UPP2: variants seen among roughly 807,000 people sequenced by gnomAD.
UPP2 encodes UPase 2.
A neutral mutation model predicts 26.7 loss-of-function variants in UPP2; 23 were observed. That is an observed-to-expected ratio of 0.86 (90% CI 0.62 to 1.22). The LOEUF (loss-of-function observed/expected upper bound fraction) is 1.22. UPP2 is among the 50% of genes most tolerant of loss of function. The pLI, the probability that UPP2 is intolerant of heterozygous loss-of-function variation, is 0.00. For synonymous variants in UPP2, 127 were observed against 141.3 expected, an observed-to-expected ratio of 0.90 and a Z score of 0.72; for missense variants, 387 against 396.7, an observed-to-expected ratio of 0.98 and a Z score of 0.21.
In UPP2 at chr2:158,115,221, T is replaced by C. The variant is rs755351863; in HGVS notation, c.301T>C (p.Tyr101His). Residue 101 changes from tyrosine to histidine, a missense_variant, in exon 3 of 7, where the codon TAC (tyrosine) becomes CAC (histidine). By Grantham distance (83) the Tyr-to-His change is moderately conservative (BLOSUM62 2). Transcript: ENST00000005756. ...AGACATCTGTGCTGGGACAGACAGA[T>C]ACTGTATGTACAAAACCGGGCCTGT... Reference protein sequence around the residue: ...IKDICAGTDRYCMYKTGPVLA... With the variant: ...IKDICAGTDRHCMYKTGPVLA... 13 of 1,612,936 alleles carry C rather than the reference T, an allele frequency of 8.1e-6. No individual in the cohort carries two copies. Among genetic ancestry groups the C allele is most frequent in the Middle Eastern group, 1.6e-4 (1 of 6,072 alleles).
intron 3 of UPP2, among the ~76,000 whole-genome samples, chr2:158,020,858 A>G (rs1558905749): frequency 6.6e-6 from 1 of 152,196 alleles, no homozygotes; most frequent in East Asian, 1.9e-4. Context: ...TCTTTTTCCA[A>G]TTTTTGATAG....
At chr2:158,130,558 A>G (rs1183501257) in intron 6 of UPP2, among the ~76,000 whole-genome samples, 1 of 152,208 alleles carries the variant, frequency 6.6e-6, no homozygotes, top group Admixed American at 6.5e-5. Context: ...TTAAACTTAA[A>G]TGAAATTATC....
rs1683684459 is a variant in UPP2, at chr2:158,017,836, T to C, written c.147+1950T>C. ...ATTCTTCGATTATATCAAACTCTTG[T>C]ACATTTTTCAATGAAGCACAAACAA... On this transcript the variant is annotated intron_variant, in intron 3 of 9. Coordinates refer to the UPP2 transcript ENST00000605860. Among the ~76,000 whole-genome samples the C allele has an allele frequency of 2.6e-5, 4 of 152,368 alleles. No individual in the cohort carries two copies. In the South Asian group the frequency reaches 8.3e-4, roughly 32 times the overall value.
chr2:158,093,332 A>T (rs1273741450), intron 3 of UPP2, among the ~76,000 whole-genome samples: 1 of 152,020 alleles, frequency 6.6e-6, no homozygotes, highest in Non-Finnish European at 1.5e-5. Context: ...AGAAGAAAGG[A>T]GTAAAAATAT....
chr2:158,102,176 G>A (rs1683090317), intron 1 of UPP2, 51 bp downstream of exon 1: 1 of 1,591,450 alleles, frequency 6.3e-7, no homozygotes, highest in South Asian at 1.1e-5. Context: ...GTTGCTCCTT[G>A]GATTTTGTAT....
chr2:158,108,904 G>GTGTC (rs2105216793), intron 2 of UPP2, among the ~76,000 whole-genome samples: 1 of 150,708 alleles, frequency 6.6e-6, no homozygotes, highest in Non-Finnish European at 1.5e-5. Context: ...GTGTGTGTGT[G>GTGTC]TGTGTGTGTG....
chr2:157,996,564 A>G (rs1481801725), intron 2 of UPP2, among the ~76,000 whole-genome samples: 1 of 152,128 alleles, frequency 6.6e-6, no homozygotes, highest in Non-Finnish European at 1.5e-5. Context: ...TTTGAAAGTT[A>G]TTTTTATGCT....
At chr2:158,046,639 C>T (rs1558913667) in intron 3 of UPP2, among the ~76,000 whole-genome samples, 1 of 152,210 alleles carries the variant, frequency 6.6e-6, no homozygotes, top group Non-Finnish European at 1.5e-5. Context: ...GGGAAAAATG[C>T]CTTGTCAAGA....
intron 3 of UPP2, among the ~76,000 whole-genome samples, chr2:158,018,556 G>A (rs1487258078): frequency 6.6e-6 from 1 of 152,206 alleles, no homozygotes; most frequent in Non-Finnish European, 1.5e-5. Context: ...CTGCAAGGCT[G>A]GAAGGCAGGT....
At chr2:158,065,941 C>A in intron 3 of UPP2, 1 of 501,226 alleles carries the variant, frequency 2.0e-6, no homozygotes, top group Non-Finnish European at 3.7e-6. Context: ...GTACAATTCG[C>A]AAGAAAAAAG....
chr2:158,020,134 T>TA (rs955647503), intron 3 of UPP2, among the ~76,000 whole-genome samples: 11 of 152,070 alleles, frequency 7.2e-5, no homozygotes, highest in African/African-American at 2.4e-4. Context: ...TTGTTTTTTT[T>TA]AAAAAAAGCC....
chr2:158,058,373 GCTCTCTCT>G (rs869246675), intron 3 of UPP2, among the ~76,000 whole-genome samples: 10 of 37,604 alleles, frequency 2.7e-4, no homozygotes, highest in African/African-American at 1.2e-3. Context: ...ATGCTTGTAT[GCTCTCTCT>G]CTCTCTCTCT....
intron 2 of UPP2, among the ~76,000 whole-genome samples, chr2:158,015,339 T>C: frequency 6.6e-6 from 1 of 152,244 alleles, no homozygotes; most frequent in East Asian, 1.9e-4. Context: ...ACAGTATTGA[T>C]CTTTTTTTGT....
chr2:158,062,159 G>C (rs534319982), intron 3 of UPP2, among the ~76,000 whole-genome samples: 1 of 152,218 alleles, frequency 6.6e-6, no homozygotes, highest in African/African-American at 2.4e-5. Flanking sequence ...GACTACTGCT[G>C]TCTAATAGAA....
At chr2:158,025,534 C>T (rs145332265) in intron 3 of UPP2, among the ~76,000 whole-genome samples, 33 of 152,214 alleles carry the variant, frequency 2.2e-4, no homozygotes, top group African/African-American at 8.0e-4. Context: ...GAAGCCCTGC[C>T]TCAAGCCTCC....
chr2:158,052,506 TAA>T (rs1682175767), intron 3 of UPP2, among the ~76,000 whole-genome samples: 1 of 152,206 alleles, frequency 6.6e-6, no homozygotes, highest in South Asian at 2.1e-4. Flanking sequence ...CCCTAGTGGC[TAA>T]TGCCCTGGAC....
At position 158,068,841 on chromosome 2, in the gene UPP2, G is replaced by A. The variant is rs1328323285; in HGVS notation, c.148-33199G>A. 2.1e-3 allele frequency among the ~76,000 whole-genome samples: 175 copies of A among 83,744 alleles called. 1 individual carries two copies. Among genetic ancestry groups the A allele is most frequent in the African/African-American group, 7.4e-3 (152 of 20,482 alleles). The allele number at this position is 83,744 out of a possible 152,430, so 54.9% of individuals were successfully genotyped here. ...TTTTTTTTTTTTTTTTTTTTGAGAC[G>A]GAGTCTCACTCTGTCACCCAGGCTG... On this transcript the variant is annotated intron_variant, in intron 3 of 9. Transcript: ENST00000605860.
intron 2 of UPP2, among the ~76,000 whole-genome samples, chr2:158,007,629 CT>C (rs201694046): frequency 0.24 from 34,649 of 142,458 alleles, 6,751 homozygotes; most frequent in African/African-American, 0.54. Context: ...CTCTCTCTCT[CT>C]TTTTTTTTTT....
chr2:158,070,749 A>G (rs188355513), intron 3 of UPP2, among the ~76,000 whole-genome samples: 16 of 152,346 alleles, frequency 1.1e-4, no homozygotes, highest in African/African-American at 3.8e-4. Context: ...ATTTAACTTT[A>G]TATCATTGAA....
Sources: gnomAD v4.1 joint callset for allele counts (sites outside exome capture counted in the v4.1 genomes callset) on GRCh38, gnomAD v4.1.1 for gene constraint, MANE v1.5 for transcripts, NCBI Gene and HGNC (gene_info 2026-07-23, HGNC 2026-07-21) for gene names.